SH3RF1: variants seen among roughly 807,000 people sequenced by gnomAD.
The protein encoded by SH3RF1 is E3 ubiquitin-protein ligase SH3RF1.
Under a neutral mutation model 74.0 loss-of-function variants are expected in SH3RF1, and 32 were observed. The observed-to-expected ratio is 0.43, with a 90% CI of 0.33 to 0.58. The LOEUF (loss-of-function observed/expected upper bound fraction) is 0.58, where lower values mean the gene tolerates loss of function less well. SH3RF1 is among the 20% of genes least tolerant of loss of function. The pLI, the probability that SH3RF1 is intolerant of heterozygous loss-of-function variation, is 0.05. For synonymous variants in SH3RF1, 396 were observed against 439.6 expected (o/e 0.90, Z 1.24); for missense variants, 954 against 1,130.9 (o/e 0.84, Z 2.24).
intron 2 of SH3RF1, among the ~76,000 whole-genome samples, chr4:169,238,670 T>A (rs879293249): frequency 6.6e-6 from 1 of 152,228 alleles, no homozygotes; most frequent in Non-Finnish European, 1.5e-5. Flanking sequence ...CAGCCAACTG[T>A]CAAGGTTTGT....
intron 2 of SH3RF1, among the ~76,000 whole-genome samples, chr4:169,197,832 T>C (rs1309989101): frequency 6.6e-6 from 1 of 152,082 alleles, no homozygotes; most frequent in Non-Finnish European, 1.5e-5. Context: ...TAGAATAATA[T>C]TATATTATAT....
chr4:169,257,990 C>A (rs1731219155), intron 2 of SH3RF1, among the ~76,000 whole-genome samples: 1 of 152,160 alleles, frequency 6.6e-6, no homozygotes, highest in East Asian at 1.9e-4. Context: ...CATGTCACCT[C>A]AATGCACCAA....
At chr4:169,233,248 CAAAAAAAAAAAAA>C (rs372381759) in intron 2 of SH3RF1, among the ~76,000 whole-genome samples, 5 of 65,596 alleles carry the variant, frequency 7.6e-5, no homozygotes, top group Non-Finnish European at 1.3e-4. Context: ...GACTCCATCT[CAAAAAAAAAAAAA>C]AAAAAAAAAA....
At chr4:169,239,964 CA>C (rs1730879229) in intron 2 of SH3RF1, among the ~76,000 whole-genome samples, 1 of 152,092 alleles carries the variant, frequency 6.6e-6, no homozygotes, top group South Asian at 2.1e-4. Context: ...TCAGAGGCTG[CA>C]GTGAGCCAAG....
intron 1 of SH3RF1, 22 bp from the exon 2 acceptor site, chr4:169,269,329 G>C: frequency 8.9e-7 from 1 of 1,128,364 alleles, no homozygotes; most frequent in South Asian, 1.7e-5. Flanking sequence ...GGGAAAAGGG[G>C]GAAAAGAGAA....
chr4:169,126,721 C>T (rs1399252676), intron 6 of SH3RF1, among the ~76,000 whole-genome samples: 11 of 151,944 alleles, frequency 7.2e-5, no homozygotes, highest in African/African-American at 2.4e-4. Context: ...GTAGCTGGGA[C>T]TACAGGCATG....
Position 169,120,673 on chromosome 4 carries a change from T to C in SH3RF1, c.1517+146A>G. ...AAAAATTTTAGAGTTAGAAGGGATT[T>C]TAGCAGATGTAGACATGGATTTTTA... is the stretch of plus-strand genomic sequence containing the variant. On this transcript the variant is annotated intron_variant, in intron 8 of 11. Transcript: ENST00000284637. 3.8e-6 allele frequency: 3 copies of C among 782,640 alleles called. No individual in the cohort carries two copies. The East Asian group carries it at 8.2e-5, about 21-fold the overall frequency. The allele number at this position is 782,640 out of a possible 1,614,324, so 48.5% of individuals were successfully genotyped here.
intron 11 of SH3RF1, among the ~76,000 whole-genome samples, chr4:169,104,240 A>G (rs1272742267): frequency 6.6e-6 from 1 of 152,182 alleles, no homozygotes; most frequent in Non-Finnish European, 1.5e-5. Flanking sequence ...ACCACAAATG[A>G]GAGGGAACAC....
At chr4:169,214,799 C>T (rs1730436225) in intron 2 of SH3RF1, among the ~76,000 whole-genome samples, 2 of 151,922 alleles carry the variant, frequency 1.3e-5, no homozygotes, top group South Asian at 4.1e-4. Flanking sequence ...TGTGTATTAA[C>T]CTTGTATCCT....
chr4:169,141,316 C>T (rs1733782133), intron 4 of SH3RF1, among the ~76,000 whole-genome samples: 1 of 152,136 alleles, frequency 6.6e-6, no homozygotes, highest in Non-Finnish European at 1.5e-5. Context: ...AATAATATTT[C>T]ATGAACATCT....
chr4:169,154,086 T>C (rs1459150864), intron 4 of SH3RF1, among the ~76,000 whole-genome samples: 2 of 152,208 alleles, frequency 1.3e-5, no homozygotes, highest in Admixed American at 6.5e-5. Context: ...TGCTCTTCAG[T>C]GTAACTATTC....
rs1179277464 is a variant in SH3RF1 at position 169,269,150 on chromosome 4, A to G, written c.63T>C (p.Ala21=). The G allele has an allele frequency of 1.2e-5, 20 of 1,612,558 alleles. No individual in the cohort carries two copies. The highest frequency in any genetic ancestry group is 1.7e-5 in the Non-Finnish European group (20 of 1,179,970). ...GCTGGCAAGGCAAGACCTTCGCAGA[A>G]GCATCAAGGCGCTCTAGACACACCG... ...ECPVCLERLD[A]SAKVLPCQHT... Residue 21 remains alanine, a synonymous_variant, in exon 2 of 12, where the codon GCT becomes GCC. Transcript: ENST00000284637.
chr4:169,194,260 T>C (rs1734774445), intron 2 of SH3RF1, among the ~76,000 whole-genome samples: 1 of 152,156 alleles, frequency 6.6e-6, no homozygotes, highest in Non-Finnish European at 1.5e-5. Flanking sequence ...GCAGTTCAAG[T>C]ATTTGTCACA....
In SH3RF1 at chr4:169,267,286, A is replaced by G. The variant is rs543916201; in HGVS notation, c.393+1534T>C. On this transcript the variant is annotated intron_variant, in intron 2 of 11. Coordinates refer to ENST00000284637, the MANE Select transcript of SH3RF1 (RefSeq NM_020870.4). ...AAGGCAGTGTCAACAACTAAGATAC[A>G]GTATTCCAGGAAGCCATGCCTTCCC... Among the ~76,000 whole-genome samples the G allele has an allele frequency of 1.1e-4, 16 of 152,354 alleles. No individual in the cohort carries two copies. The South Asian group carries it at 2.9e-3, about 28-fold the overall frequency.
chr4:169,126,746 G>C (rs1375742740), intron 6 of SH3RF1, among the ~76,000 whole-genome samples: 1 of 151,690 alleles, frequency 6.6e-6, no homozygotes, highest in Non-Finnish European at 1.5e-5. Context: ...ACCATGCCCA[G>C]CTAATTAAAA....
At chr4:169,133,073 G>GT (rs1450964409) in intron 5 of SH3RF1, among the ~76,000 whole-genome samples, 3 of 152,110 alleles carry the variant, frequency 2.0e-5, no homozygotes, top group South Asian at 2.1e-4. Flanking sequence ...CAATTTGGAC[G>GT]TGACAGTGAC....
intron 2 of SH3RF1, among the ~76,000 whole-genome samples, chr4:169,252,145 T>A (rs770523924): frequency 6.6e-5 from 10 of 152,310 alleles, no homozygotes; most frequent in Non-Finnish European, 1.5e-4. Context: ...TTTTCACATT[T>A]TATAGCATGT....
intron 2 of SH3RF1, among the ~76,000 whole-genome samples, chr4:169,210,827 C>T (rs551275095): frequency 1.3e-5 from 2 of 152,176 alleles, no homozygotes; most frequent in Non-Finnish European, 2.9e-5. Context: ...ATTTTCTGTA[C>T]ATCACTTTCC....
chr4:169,176,735 T>C (rs1734427159), intron 2 of SH3RF1, among the ~76,000 whole-genome samples: 1 of 151,998 alleles, frequency 6.6e-6, no homozygotes, highest in Admixed American at 6.6e-5. Flanking sequence ...AGAGACAGGG[T>C]TTTACATGTT....
Sources: allele counts gnomAD v4.1 joint callset (sites outside exome capture counted in the v4.1 genomes callset), GRCh38; gene constraint gnomAD v4.1.1; transcripts MANE v1.5; gene names NCBI Gene and HGNC (gene_info 2026-07-23, HGNC 2026-07-21).